Variants in COP1 observed in about 807,000 individuals in gnomAD.
The protein encoded by COP1 is COP1 E3 ubiquitin ligase.
COP1 carries 24 observed loss-of-function variants against 101.3 expected under a neutral mutation model. The ratio of observed to expected loss-of-function variants is 0.24; its 90% CI spans 0.17 to 0.33. The LOEUF (loss-of-function observed/expected upper bound fraction) is 0.33, where lower values mean the gene tolerates loss of function less well. Ranked by LOEUF, COP1 falls within the 10% of genes least tolerant of loss-of-function variation. The pLI is 1.00. For synonymous variants in COP1, 347 were observed against 341.9 expected, an observed-to-expected ratio of 1.01 and a Z score of -0.17; for missense variants, 663 against 906.2, an observed-to-expected ratio of 0.73 and a Z score of 3.45.
intron 11 of COP1, among the ~76,000 whole-genome samples, chr1:176,047,451 T>G (rs1463766906): frequency 1.3e-5 from 2 of 152,148 alleles, no homozygotes; most frequent in African/African-American, 4.8e-5. Context: ...GGTAGTCTGG[T>G]TTCAGAGCTG....
At chr1:175,967,894 G>C (rs1045336119) in intron 18 of COP1, among the ~76,000 whole-genome samples, 4 of 151,802 alleles carry the variant, frequency 2.6e-5, no homozygotes, top group African/African-American at 9.7e-5. Flanking sequence ...TTGAGATGGA[G>C]TCTCGCACCG....
At chr1:176,151,316 AAAG>A (rs1301025287) in intron 5 of COP1, among the ~76,000 whole-genome samples, 3 of 144,932 alleles carry the variant, frequency 2.1e-5, no homozygotes, top group Non-Finnish European at 4.4e-5. Flanking sequence ...GGAGAGAAAG[AAAG>A]AAGGAAAGAA....
At chr1:175,996,622 A>G (rs373285924) in intron 15 of COP1, among the ~76,000 whole-genome samples, 32 of 152,134 alleles carry the variant, frequency 2.1e-4, no homozygotes, top group African/African-American at 4.8e-4. Flanking sequence ...ACAGAGAGCC[A>G]AATCATGAGT....
intron 11 of COP1, among the ~76,000 whole-genome samples, chr1:176,061,894 G>C (rs1040801115): frequency 1.3e-5 from 2 of 152,136 alleles, no homozygotes; most frequent in Non-Finnish European, 2.9e-5. Context: ...ACAAAGATGA[G>C]CCACAGGCAA....
At position 175,989,930 on chromosome 1, in the gene COP1, C is replaced by T. The variant is rs1658012325; in HGVS notation, c.1730-451G>A. Among the ~76,000 whole-genome samples, 3 of 152,052 alleles carry T rather than the reference C, an allele frequency of 2.0e-5. No individual in the cohort carries two copies. The South Asian group carries it at 6.2e-4, about 31-fold the overall frequency. On this transcript the variant is annotated intron_variant, in intron 15 of 19. Transcript: ENST00000367669. The stretch of plus-strand genomic sequence containing the variant: ...ATAAATCAGTTTTAGAGTATTTCTG[C>T]ACTCCGATAAGATCACTCATTTGGC...
At chr1:175,992,820 C>A (rs979905098) in intron 15 of COP1, among the ~76,000 whole-genome samples, 5 of 151,854 alleles carry the variant, frequency 3.3e-5, no homozygotes, top group African/African-American at 1.2e-4. Flanking sequence ...TGGGGGCAGG[C>A]ACAGACAAAA....
intron 6 of COP1, among the ~76,000 whole-genome samples, chr1:176,144,625 G>A (rs570284744): frequency 1.3e-5 from 2 of 152,068 alleles, no homozygotes; most frequent in Non-Finnish European, 2.9e-5. Context: ...AGACTTTAAA[G>A]AAGAACAGCA....
intron 11 of COP1, among the ~76,000 whole-genome samples, chr1:176,055,298 G>T (rs1326994153): frequency 1.3e-5 from 2 of 152,182 alleles, no homozygotes; most frequent in African/African-American, 4.8e-5. Context: ...AGCTGTGCAT[G>T]GTGGCAGGCA....
intron 15 of COP1, among the ~76,000 whole-genome samples, chr1:176,003,860 G>T (rs558690741): frequency 1.5e-4 from 23 of 152,130 alleles, no homozygotes; most frequent in East Asian, 7.7e-4. Flanking sequence ...ATATGAACTT[G>T]AAAGTAGTTT....
At chr1:176,096,130 T>C (rs918021038) in intron 9 of COP1, among the ~76,000 whole-genome samples, 1 of 152,206 alleles carries the variant, frequency 6.6e-6, no homozygotes, top group Admixed American at 6.5e-5. Context: ...GACAAGAGCC[T>C]GGTTTTAGCT....
At chr1:176,005,341 C>G (rs1172442299) in intron 15 of COP1, among the ~76,000 whole-genome samples, 1 of 151,938 alleles carries the variant, frequency 6.6e-6, no homozygotes, top group Non-Finnish European at 1.5e-5. Context: ...TTTTTTGTGT[C>G]TCTATTTCCT....
chr1:176,022,721 T>C (rs1178669333), intron 15 of COP1, among the ~76,000 whole-genome samples: 2 of 148,996 alleles, frequency 1.3e-5, no homozygotes, highest in Non-Finnish European at 3.0e-5. Context: ...GCCTTGCTGA[T>C]ACTATCCCCT....
At chr1:176,053,996 A>C (rs1489509641) in intron 11 of COP1, among the ~76,000 whole-genome samples, 1 of 152,112 alleles carries the variant, frequency 6.6e-6, no homozygotes, top group Non-Finnish European at 1.5e-5. Context: ...GTCTCATTTT[A>C]AATTCATGAT....
chr1:175,995,829 C>T (rs150419802), intron 15 of COP1, among the ~76,000 whole-genome samples: 1 of 152,166 alleles, frequency 6.6e-6, no homozygotes, highest in Non-Finnish European at 1.5e-5. Flanking sequence ...CAAGGAGGAA[C>T]TGGTATCATT....
intron 8 of COP1, chr1:176,133,782 G>C (rs921621230): frequency 7.0e-6 from 3 of 431,116 alleles, no homozygotes; most frequent in Non-Finnish European, 9.2e-6. Flanking sequence ...AAAGACAATG[G>C]GAATGAATCA....
At chr1:176,178,290 C>A (rs1697234078) in intron 2 of COP1, among the ~76,000 whole-genome samples, 1 of 151,140 alleles carries the variant, frequency 6.6e-6, no homozygotes, top group East Asian at 1.9e-4. Context: ...AAATTTAACT[C>A]TTTTTTTAAA....
chr1:176,041,648 C>G (rs902418797), intron 14 of COP1, among the ~76,000 whole-genome samples: 2 of 152,132 alleles, frequency 1.3e-5, no homozygotes, highest in Non-Finnish European at 2.9e-5. Context: ...CTACCACGCC[C>G]GGCCCCTGCT....
At chr1:176,192,884 TA>T (rs1277982568) in intron 1 of COP1, among the ~76,000 whole-genome samples, 1 of 152,190 alleles carries the variant, frequency 6.6e-6, no homozygotes, top group Non-Finnish European at 1.5e-5. Context: ...TTAATTTTTT[TA>T]AAAAGTTGTT....
chr1:175,958,011 G>A (rs1226916776), intron 18 of COP1, among the ~76,000 whole-genome samples: 1 of 152,068 alleles, frequency 6.6e-6, no homozygotes, highest in African/African-American at 2.4e-5. Context: ...GCAGTAGCTT[G>A]TAGTGGAGAA....
Sources: gnomAD v4.1 joint callset for allele counts (sites outside exome capture counted in the v4.1 genomes callset) on GRCh38, gnomAD v4.1.1 for gene constraint, MANE v1.5 for transcripts, NCBI Gene and HGNC (gene_info 2026-07-23, HGNC 2026-07-21) for gene names.